Variants in EXOC4 observed in about 807,000 individuals in gnomAD.
EXOC4 encodes the protein exocyst complex component 4.
Under a neutral mutation model 107.2 loss-of-function variants are expected in EXOC4, and 71 were observed. The ratio of observed to expected loss-of-function variants is 0.66; its 90% confidence interval spans 0.55 to 0.81. EXOC4 has a LOEUF of 0.81. EXOC4 is among the 30% of genes least tolerant of loss of function. EXOC4 has a pLI of 0.00. For missense variants in EXOC4, 1,108 were observed against 1,189.6 expected, an observed-to-expected ratio of 0.93 and a Z score of 1.01; for synonymous variants, 456 against 441.2, an observed-to-expected ratio of 1.03 and a Z score of -0.42.
At chr7:133,964,183 G>GA (rs1431836058) in intron 14 of EXOC4, among the ~76,000 whole-genome samples, 1 of 152,100 alleles carries the variant, frequency 6.6e-6, no homozygotes, top group Non-Finnish European at 1.5e-5. Context: ...AACCTCCTTA[G>GA]AAAAATCAGC....
chr7:133,764,810 G>C (rs987646429), intron 10 of EXOC4, among the ~76,000 whole-genome samples: 2 of 152,028 alleles, frequency 1.3e-5, no homozygotes, highest in South Asian at 2.1e-4. Flanking sequence ...GATGATGTCT[G>C]TTATACATAT....
intron 11 of EXOC4, among the ~76,000 whole-genome samples, chr7:133,869,703 CAT>C (rs148461596): frequency 0.015 from 2,342 of 152,302 alleles, 57 homozygotes; most frequent in African/African-American, 0.053. Flanking sequence ...AAACTGGAAT[CAT>C]GTGGCAGGAA....
intron 13 of EXOC4, among the ~76,000 whole-genome samples, chr7:133,918,663 G>A (rs913034829): frequency 2.0e-5 from 3 of 152,182 alleles, no homozygotes; most frequent in Non-Finnish European, 2.9e-5. Context: ...AGCCATGAAA[G>A]TGTGGCCTAA....
chr7:133,674,410 T>C (rs1428230540), intron 10 of EXOC4, among the ~76,000 whole-genome samples: 1 of 152,210 alleles, frequency 6.6e-6, no homozygotes, highest in African/African-American at 2.4e-5. Flanking sequence ...CTTAATTTAT[T>C]TTAAATTTTA....
At chr7:133,885,817 G>A (rs1448516753) in intron 11 of EXOC4, among the ~76,000 whole-genome samples, 1 of 152,054 alleles carries the variant, frequency 6.6e-6, no homozygotes, top group Non-Finnish European at 1.5e-5. Context: ...GCAAGAGATG[G>A]GCATGTTCAG....
intron 15 of EXOC4, among the ~76,000 whole-genome samples, chr7:134,000,588 T>C (rs1446461813): frequency 6.6e-6 from 1 of 152,222 alleles, no homozygotes; most frequent in South Asian, 2.1e-4. Context: ...GTTTGCAGTT[T>C]CTGTTTTTAC....
intron 9 of EXOC4, among the ~76,000 whole-genome samples, chr7:133,511,556 AG>A (rs1799769585): frequency 6.6e-6 from 1 of 152,158 alleles, no homozygotes; most frequent in Admixed American, 6.5e-5. Flanking sequence ...GAGGGCAGAG[AG>A]CTATTCCTGT....
At chr7:133,989,190 G>A (rs551195897) in intron 14 of EXOC4, among the ~76,000 whole-genome samples, 90 of 152,226 alleles carry the variant, frequency 5.9e-4, no homozygotes, top group African/African-American at 2.1e-3. Flanking sequence ...TTACACTCAC[G>A]TTTGCAGCTG....
At chr7:133,437,398 G>A (rs1357425268) in intron 7 of EXOC4, among the ~76,000 whole-genome samples, 1 of 152,114 alleles carries the variant, frequency 6.6e-6, no homozygotes, top group Non-Finnish European at 1.5e-5. Flanking sequence ...TCATTTTCTA[G>A]CTCATGGTCT....
rs138981828 is a variant in EXOC4 at position 133,341,651 on chromosome 7, T to C, written c.764-14679T>C. On this transcript the variant is annotated intron_variant, in intron 5 of 17. Transcript: ENST00000253861. ...GGAGTATTGAAGTCCACCACTCTTATCGTGTTGCTGTCTATCTCATTTCTT... is the reference window on the plus strand; with the variant it reads ...GGAGTATTGAAGTCCACCACTCTTACCGTGTTGCTGTCTATCTCATTTCTT... Among the ~76,000 whole-genome samples, 895 of 152,308 alleles carry C rather than the reference T, an allele frequency of 5.9e-3. 6 individuals carry two copies. Among genetic ancestry groups the C allele is most frequent in the Middle Eastern group, 0.017 (5 of 294 alleles).
chr7:133,713,753 C>T (rs558048956), intron 10 of EXOC4, among the ~76,000 whole-genome samples: 18 of 152,226 alleles, frequency 1.2e-4, no homozygotes, highest in South Asian at 8.3e-4. Context: ...TTCCCCATCG[C>T]TTGGCACTTC....
intron 9 of EXOC4, among the ~76,000 whole-genome samples, chr7:133,624,899 C>T (rs1174331028): frequency 1.4e-5 from 1 of 70,408 alleles, no homozygotes; most frequent in African/African-American, 5.3e-5. Context: ...AGCCTGACCT[C>T]ATCTCTTATA....
At chr7:133,887,134 G>C (rs1042382432) in intron 11 of EXOC4, among the ~76,000 whole-genome samples, 11 of 152,114 alleles carry the variant, frequency 7.2e-5, no homozygotes, top group African/African-American at 2.4e-4. Flanking sequence ...ACCTCCAGTG[G>C]GTATGCAGAG....
intron 7 of EXOC4, among the ~76,000 whole-genome samples, chr7:133,398,401 G>T (rs1038278284): frequency 6.6e-6 from 1 of 152,134 alleles, no homozygotes; most frequent in African/African-American, 2.4e-5. Context: ...ATGAAATAGG[G>T]CTGTAGCAGC....
chr7:133,702,002 T>TTC (rs1794669464), intron 10 of EXOC4, among the ~76,000 whole-genome samples: 1 of 138,278 alleles, frequency 7.2e-6, no homozygotes, highest in Non-Finnish European at 1.6e-5. Flanking sequence ...TCTTTCTTTT[T>TTC]TTTTTTTTTT....
In EXOC4 at chr7:134,004,929, A is replaced by C; in HGVS notation, c.2366A>C (p.Tyr789Ser). The C allele has an allele frequency of 6.2e-7, 1 of 1,613,040 alleles. No homozygotes were observed. The highest frequency in any genetic ancestry group is 8.5e-7 in the Non-Finnish European group (1 of 1,179,380). ...HLEVRVHCFH[Y>S]LIPLAKEGNY... ...TTTTTCAGGGTTCACTGTTTCCACT[A>C]TCTTATCCCTCTTGCAAAGGAGGGG... Residue 789 changes from tyrosine to serine, a missense_variant, in exon 16 of 18, where the codon TAT (tyrosine) becomes TCT (serine). Transcript: ENST00000253861.
intron 13 of EXOC4, among the ~76,000 whole-genome samples, chr7:133,937,101 A>G (rs1206211669): frequency 6.6e-6 from 1 of 152,154 alleles, no homozygotes; most frequent in African/African-American, 2.4e-5. Context: ...CCAGTTCTTC[A>G]TCTCTGCAGT....
chr7:133,865,514 T>C (rs1798617688), intron 11 of EXOC4, among the ~76,000 whole-genome samples: 1 of 152,238 alleles, frequency 6.6e-6, no homozygotes, highest in African/African-American at 2.4e-5. Flanking sequence ...TCTTTTAAGA[T>C]ATCTCTACTA....
chr7:133,992,472 A>G (rs967741148), intron 14 of EXOC4, among the ~76,000 whole-genome samples: 4 of 151,838 alleles, frequency 2.6e-5, no homozygotes, highest in Non-Finnish European at 5.9e-5. Flanking sequence ...TATTAAAGAC[A>G]GGGTTTCACT....
Sources: allele counts gnomAD v4.1 joint callset (sites outside exome capture counted in the v4.1 genomes callset), GRCh38; gene constraint gnomAD v4.1.1; transcripts MANE v1.5; gene names NCBI Gene and HGNC (gene_info 2026-07-23, HGNC 2026-07-21).